The following NUP62CL variants were observed in gnomAD, a reference collection of about 807,000 sequenced individuals.
NUP62CL encodes nucleoporin 62 C-terminal like, also known as nucleoporin-62 C-terminal-like protein.
A neutral mutation model predicts 15.3 loss-of-function variants in NUP62CL; 13 were observed. The ratio of observed to expected loss-of-function variants is 0.85; its 90% CI spans 0.55 to 1.35. The LOEUF is 1.35. Ranked by LOEUF, NUP62CL falls within the 40% of genes most tolerant of loss-of-function variation. The pLI is 0.00. For missense variants in NUP62CL, 123 were observed against 130.6 expected (o/e 0.94, Z 0.28); for synonymous variants, 54 against 49.2 (o/e 1.10, Z -0.41).
intron 3 of NUP62CL, among the ~76,000 whole-genome samples, chrX:107,169,758 T>C (rs1926601398): frequency 8.9e-6 from 1 of 111,890 alleles, no homozygotes; most frequent in Non-Finnish European, 1.9e-5. Context: ...CTCCCTTTAT[T>C]GATTAATTCA....
At chrX:107,132,165 T>G in intron 8 of NUP62CL, 6 of 1,144,650 alleles carry the variant, frequency 5.2e-6, no homozygotes, top group Non-Finnish European at 7.2e-6. Flanking sequence ...ACCTGAGTTG[T>G]GAACAGGAGA....
chrX:107,199,629 AATC>A (rs1927434847), intron 1 of NUP62CL, among the ~76,000 whole-genome samples: 1 of 112,270 alleles, frequency 8.9e-6, no homozygotes, highest in Non-Finnish European at 1.9e-5. Flanking sequence ...AGTTATTGAC[AATC>A]ATCAAGTTCC....
intron 8 of NUP62CL, chrX:107,132,063 A>G (rs1157457964): frequency 3.7e-6 from 4 of 1,094,346 alleles, no homozygotes; most frequent in East Asian, 3.0e-5. Flanking sequence ...GTAGCTTTCT[A>G]CATGAAAATG....
intron 5 of NUP62CL, 122 bp downstream of exon 5, chrX:107,153,974 A>C: frequency 2.7e-6 from 2 of 736,150 alleles, no homozygotes; most frequent in Non-Finnish European, 3.9e-6. Context: ...CCCTGTCTCA[A>C]AAAACAAAAA....
rs186859260 is a variant in NUP62CL at position 107,203,435 on chromosome X, G to A, written c.-92+2838C>T. 2.6e-3 allele frequency among the ~76,000 whole-genome samples: 286 copies of A among 109,080 alleles called. 5 individuals carry two copies. The highest frequency in any genetic ancestry group is 9.2e-3 in the African/African-American group (275 of 29,795). The allele number at this position is 109,080 out of a possible 115,157, so 94.7% of individuals were successfully genotyped here. Reference sequence around the variant, plus strand: ...ATTTTTTAATATTTTTTATGGAGATGGGGGTTCACTGTGTTACCCAGGCTG... The same window carrying A: ...ATTTTTTAATATTTTTTATGGAGATAGGGGTTCACTGTGTTACCCAGGCTG... On this transcript the variant is annotated intron_variant, in intron 1 of 8. Transcript: ENST00000372466.
intron 8 of NUP62CL, among the ~76,000 whole-genome samples, chrX:107,127,385 C>A (rs1925414938): frequency 9.0e-6 from 1 of 111,700 alleles, no homozygotes; most frequent in Admixed American, 9.5e-5. Flanking sequence ...GATGTCTGTA[C>A]AACTCTATAG....
chrX:107,167,249 T>C, intron 4 of NUP62CL, among the ~76,000 whole-genome samples: 1 of 112,115 alleles, frequency 8.9e-6, no homozygotes, highest in South Asian at 3.7e-4. Context: ...TATGCGACTA[T>C]GAGCAGATTA....
intron 1 of NUP62CL, among the ~76,000 whole-genome samples, chrX:107,195,837 T>C (rs1927350159): frequency 8.9e-6 from 1 of 111,774 alleles, no homozygotes; most frequent in African/African-American, 3.2e-5. Flanking sequence ...ACAAGTGCTA[T>C]GTTGTTATAA....
At chrX:107,143,157 A>C (rs1925812333) in intron 8 of NUP62CL, among the ~76,000 whole-genome samples, 1 of 111,997 alleles carries the variant, frequency 8.9e-6, no homozygotes, top group South Asian at 3.7e-4. Flanking sequence ...TAACTTATTC[A>C]TGGATATTGA....
chrX:107,130,576 A>G (rs775655415), intron 8 of NUP62CL, among the ~76,000 whole-genome samples: 2 of 111,737 alleles, frequency 1.8e-5, no homozygotes, highest in South Asian at 3.8e-4. Context: ...GAGAACCAAC[A>G]AAGAGTAGAG....
chrX:107,162,171 T>C (rs140078885), intron 4 of NUP62CL, among the ~76,000 whole-genome samples: 1,231 of 110,143 alleles, frequency 0.011, 14 homozygotes, highest in African/African-American at 0.039. Flanking sequence ...GACAGACAAA[T>C]ATAATTTACA....
chrX:107,196,629 T>G (rs1927366900), intron 1 of NUP62CL, among the ~76,000 whole-genome samples: 1 of 111,542 alleles, frequency 9.0e-6, no homozygotes, highest in Admixed American at 9.5e-5. Context: ...TTTTGTATTT[T>G]TATAGAGATG....
chrX:107,189,613 A>AAATAATAATAATAAT lies in NUP62CL; in HGVS notation c.-48+3401_-48+3415dup, dbSNP rs112376938. Among the ~76,000 whole-genome samples the AAATAATAATAATAAT allele has an allele frequency of 4.7e-3, 473 of 99,865 alleles. 7 individuals are homozygous for AAATAATAATAATAAT. Among genetic ancestry groups the AAATAATAATAATAAT allele is most frequent in the Middle Eastern group, 0.039 (8 of 205 alleles). The allele number at this position is 99,865 out of a possible 115,157, so 86.7% of individuals were successfully genotyped here. ...CAACATGGTGAAACCCCGTCCCTAC[A>AAATAATAATAATAAT]AATAATAATAATAATAATAATAAAT... On this transcript the variant is annotated intron_variant, in intron 2 of 8. Coordinates refer to ENST00000372466, the MANE Select transcript of NUP62CL (RefSeq NM_017681.3).
chrX:107,187,132 A>T (rs1927082669), intron 2 of NUP62CL, among the ~76,000 whole-genome samples: 1 of 111,716 alleles, frequency 9.0e-6, no homozygotes, highest in Admixed American at 9.5e-5. Context: ...GAGAAATTTA[A>T]AAATACACCA....
chrX:107,167,692 A>G lies in NUP62CL; in HGVS notation c.151T>C (p.Ser51Pro). The G allele has an allele frequency of 1.7e-6, 2 of 1,210,002 alleles. No individual in the cohort carries two copies. The highest frequency in any genetic ancestry group is 1.7e-5 in the African/African-American group (1 of 57,866). ...GGTACAAGGTTTTCAAACCCTCTTGATAACAGTTGGTTTTGGTTCACAGTA... is the reference window on the plus strand; with the variant it reads ...GGTACAAGGTTTTCAAACCCTCTTGGTAACAGTTGGTTTTGGTTCACAGTA... ...GFTVNQNQLL[S>P]RGFENLVPYT... Residue 51 changes from serine to proline, a missense_variant, in exon 4 of 9, where the codon TCA becomes CCA. Physicochemically the swap from Ser to Pro is moderately conservative, Grantham distance 74. Transcript: ENST00000372466.
intron 3 of NUP62CL, among the ~76,000 whole-genome samples, chrX:107,174,078 TCTCC>T (rs1926718407): frequency 1.6e-5 from 1 of 63,608 alleles, no homozygotes; most frequent in African/African-American, 6.2e-5. Flanking sequence ...CCTCTCTCTC[TCTCC>T]CTCCCTCCCT....
At chrX:107,136,181 G>A (rs1198645078) in intron 8 of NUP62CL, among the ~76,000 whole-genome samples, 7 of 109,479 alleles carry the variant, frequency 6.4e-5, no homozygotes, top group Non-Finnish European at 1.3e-4. Context: ...TAAACCTCTA[G>A]CAAGACAGAA....
chrX:107,173,753 T>G (rs1020795676), intron 3 of NUP62CL, among the ~76,000 whole-genome samples: 1 of 111,306 alleles, frequency 9.0e-6, no homozygotes, highest in Non-Finnish European at 1.9e-5. Flanking sequence ...TGCCTAACTA[T>G]GCCAATAACA....
intron 8 of NUP62CL, chrX:107,132,211 C>T (rs1925533857): frequency 9.1e-7 from 1 of 1,102,108 alleles, no homozygotes; most frequent in African/African-American, 1.8e-5. Flanking sequence ...TTCTGGTCCT[C>T]TTATTGATAT....
Sources: gnomAD v4.1 joint callset for allele counts (sites outside exome capture counted in the v4.1 genomes callset) on GRCh38, gnomAD v4.1.1 for gene constraint, MANE v1.5 for transcripts, NCBI Gene and HGNC (gene_info 2026-07-23, HGNC 2026-07-21) for gene names.